Variants in C2CD5 observed in about 807,000 individuals in gnomAD.
C2CD5 encodes the protein C2 calcium dependent domain containing 5.
In C2CD5, 109 loss-of-function variants were observed where a neutral mutation model predicts 130.3. The ratio of observed to expected loss-of-function variants is 0.84; its 90% CI spans 0.72 to 0.98. The LOEUF (loss-of-function observed/expected upper bound fraction) is 0.98. Ranked by LOEUF, C2CD5 falls within the 50% of genes least tolerant of loss-of-function variation. The pLI, the probability that C2CD5 is intolerant of heterozygous loss-of-function variation, is 0.00. For missense variants in C2CD5, 996 were observed against 1,261.8 expected (o/e 0.79, Z 3.19); for synonymous variants, 454 against 429.2 (o/e 1.06, Z -0.71).
At chr12:22,479,636 C>T (rs1591774429) in intron 14 of C2CD5, among the ~76,000 whole-genome samples, 1 of 152,140 alleles carries the variant, frequency 6.6e-6, no homozygotes. Context: ...CACTATATTG[C>T]CCTACCTTCC....
At chr12:22,454,636 C>T (rs1321997652) in intron 25 of C2CD5, among the ~76,000 whole-genome samples, 4 of 150,982 alleles carry the variant, frequency 2.6e-5, no homozygotes, top group Non-Finnish European at 5.9e-5. Flanking sequence ...TAATGTCTTC[C>T]GAGATACCTT....
intron 24 of C2CD5, among the ~76,000 whole-genome samples, chr12:22,458,247 T>A (rs1403130285): frequency 2.0e-5 from 3 of 152,182 alleles, no homozygotes; most frequent in Admixed American, 6.5e-5. Flanking sequence ...TATATACTTT[T>A]AAGAATACCT....
intron 16 of C2CD5, 64 bp from the exon 17 acceptor site, chr12:22,472,871 G>T: frequency 1.1e-6 from 1 of 942,132 alleles, no homozygotes; most frequent in Non-Finnish European, 1.7e-6. Flanking sequence ...CGTTTTAAAA[G>T]AACTATTAAT....
chr12:22,455,422 T>C lies in C2CD5; in HGVS notation c.2878-1380A>G, dbSNP rs115103700. On this transcript the variant is annotated intron_variant, in intron 25 of 26. Coordinates refer to ENST00000446597, the MANE Select transcript of C2CD5 (RefSeq NM_001286176.2). ...GGAAAACCTACTAAGAAGCAACATT[T>C]TGAGGTATGGGAGCTTAAGTAGTCA... 6.5e-3 allele frequency among the ~76,000 whole-genome samples: 991 copies of C among 152,254 alleles called. 12 individuals are homozygous for C. The highest frequency in any genetic ancestry group is 0.023 in the African/African-American group (951 of 41,544).
intron 10 of C2CD5, among the ~76,000 whole-genome samples, chr12:22,499,290 CTGT>C (rs1947440075): frequency 6.6e-6 from 1 of 152,218 alleles, no homozygotes; most frequent in South Asian, 2.1e-4. Flanking sequence ...CTAGGTCCTG[CTGT>C]TATTATACTC....
rs184241621 is a variant in C2CD5, at chr12:22,482,431, G to A, written c.1737+126C>T. 1,274 of 698,100 alleles carry A rather than the reference G, an allele frequency of 1.8e-3. 2 individuals are homozygous for A. Among genetic ancestry groups the A allele is most frequent in the Middle Eastern group, 2.9e-3 (7 of 2,410 alleles). 43.2% of individuals were successfully genotyped at this position (698,100 alleles called of 1,614,324 possible). A position where few individuals can be genotyped will look rare whatever the true frequency, so the allele number is the denominator to read the frequency against. ...ATTTTTCACTTCTTAAAATGTCCTC[G>A]TCCCATAAAGGTCTTAATGTCAAAG... is the stretch of plus-strand genomic sequence containing the variant. On this transcript the variant is annotated intron_variant, in intron 14 of 26. Transcript: ENST00000446597.
At chr12:22,521,571 G>A (rs1204037116) in intron 7 of C2CD5, among the ~76,000 whole-genome samples, 1 of 152,012 alleles carries the variant, frequency 6.6e-6, no homozygotes, top group African/African-American at 2.4e-5. Flanking sequence ...CAGAGAGAGG[G>A]AAAAAAATCT....
At chr12:22,523,389 A>C in intron 7 of C2CD5, 37 bp downstream of exon 7, 2 of 1,529,034 alleles carry the variant, frequency 1.3e-6, no homozygotes, top group Non-Finnish European at 9.0e-7. Context: ...AAAAGATAAA[A>C]ATCTTAGCAA....
intron 9 of C2CD5, chr12:22,512,575 A>T: frequency 9.1e-7 from 1 of 1,094,192 alleles, no homozygotes; most frequent in Non-Finnish European, 1.3e-6. Context: ...AATAAAATTT[A>T]AATGACCAAG....
intron 21 of C2CD5, among the ~76,000 whole-genome samples, chr12:22,470,463 C>T (rs12320210): frequency 0.038 from 5,801 of 152,146 alleles, 371 homozygotes; most frequent in African/African-American, 0.13. Flanking sequence ...GAAAATAATA[C>T]ACAGGCACAC....
chr12:22,462,090 C>G (rs188990246), intron 22 of C2CD5, among the ~76,000 whole-genome samples: 21 of 152,314 alleles, frequency 1.4e-4, no homozygotes, highest in African/African-American at 5.1e-4. Context: ...CAGATACATG[C>G]AGTCTGGCTC....
Position 22,449,324 on chromosome 12 carries a change from T to C in C2CD5, c.*436A>G, listed in dbSNP as rs1018592259. 1 of 152,878 alleles carries C rather than the reference T, an allele frequency of 6.5e-6. No individual in the cohort carries two copies. Among genetic ancestry groups the C allele is most frequent in the African/African-American group, 2.4e-5 (1 of 41,470 alleles). The allele number at this position is 152,878 out of a possible 1,614,324, so 9.5% of individuals were successfully genotyped here. On this transcript the variant is annotated 3_prime_UTR_variant, in exon 27 of 27. Transcript: ENST00000446597. ...TCTACATAGCAGTTTTCTGAAAACT[T>C]TTCTCCATTGTCCCCACACATTTCT...
At chr12:22,456,812 C>T (rs1046389562) in intron 25 of C2CD5, among the ~76,000 whole-genome samples, 159 bp downstream of exon 25, 2 of 152,004 alleles carry the variant, frequency 1.3e-5, no homozygotes, top group Non-Finnish European at 2.9e-5. Flanking sequence ...TGATAATCCT[C>T]GCTGCTAAAT....
At chr12:22,541,978 C>T (rs373462830) in intron 2 of C2CD5, among the ~76,000 whole-genome samples, 2 of 152,254 alleles carry the variant, frequency 1.3e-5, no homozygotes, top group East Asian at 3.9e-4. Flanking sequence ...AATAAGTAAC[C>T]CCTGAATCAG....
intron 8 of C2CD5, among the ~76,000 whole-genome samples, chr12:22,514,666 T>A (rs1226830991): frequency 6.6e-6 from 1 of 152,042 alleles, no homozygotes; most frequent in Non-Finnish European, 1.5e-5. Flanking sequence ...GGAGTTGGTA[T>A]GAAGGGAAAG....
At chr12:22,509,584 A>G (rs1247190052) in intron 9 of C2CD5, among the ~76,000 whole-genome samples, 2 of 151,984 alleles carry the variant, frequency 1.3e-5, no homozygotes, top group Non-Finnish European at 2.9e-5. Flanking sequence ...TTTAACCAAA[A>G]CTCCGTCTTC....
chr12:22,489,187 T>C (rs1013914975), intron 12 of C2CD5, among the ~76,000 whole-genome samples: 10 of 152,000 alleles, frequency 6.6e-5, no homozygotes, highest in Non-Finnish European at 1.5e-5. Context: ...TTGCTTCCTT[T>C]CTTAATATAT....
chr12:22,531,657 G>C (rs919618157), intron 3 of C2CD5, among the ~76,000 whole-genome samples: 1 of 152,108 alleles, frequency 6.6e-6, no homozygotes, highest in East Asian at 1.9e-4. Context: ...GAAAACCTTT[G>C]GGTAAAAGCT....
Position 22,454,362 on chromosome 12 carries a change from C to T in C2CD5, c.2878-320G>A, listed in dbSNP as rs539751290. On this transcript the variant is annotated intron_variant, in intron 25 of 26. Transcript: ENST00000446597. The stretch of plus-strand genomic sequence containing the variant: ...GGCAAGAATTCAAATTGTGCCTCCA[C>T]CTTCAACATCTCCATCATATCATGC... Among the ~76,000 whole-genome samples, 3 of 152,264 alleles carry T rather than the reference C, an allele frequency of 2.0e-5. No homozygotes were observed. The East Asian group carries it at 5.8e-4, about 29-fold the overall frequency.
Sources: gnomAD v4.1 joint callset for allele counts (sites outside exome capture counted in the v4.1 genomes callset) on GRCh38, gnomAD v4.1.1 for gene constraint, MANE v1.5 for transcripts, NCBI Gene and HGNC (gene_info 2026-07-23, HGNC 2026-07-21) for gene names.